The following MIB1 variants were observed in gnomAD, a reference collection of about 807,000 sequenced individuals.
The protein encoded by MIB1 is MIB E3 ubiquitin protein ligase 1.
Under a neutral mutation model 124.5 loss-of-function variants are expected in MIB1, and 278 were observed. The ratio of observed to expected loss-of-function variants is 2.23; its 90% confidence interval spans 2.02 to 2.47. The LOEUF (loss-of-function observed/expected upper bound fraction) is 2.47. Among genes scored for constraint, MIB1 ranks in the 30% most tolerant of loss-of-function variants. The pLI, the probability that MIB1 is intolerant of heterozygous loss-of-function variation, is 0.00. For synonymous variants in MIB1, 446 were observed against 429.4 expected, an observed-to-expected ratio of 1.04 and a Z score of -0.48; for missense variants, 957 against 1,254.4, an observed-to-expected ratio of 0.76 and a Z score of 3.58.
chr18:21,812,494 A>T (rs1047222167), intron 10 of MIB1: 5 of 152,264 alleles, frequency 3.3e-5, no homozygotes, highest in Non-Finnish European at 7.3e-5. Flanking sequence ...GGCCTGAATT[A>T]GTCTGTGGTA....
intron 1 of MIB1, among the ~76,000 whole-genome samples, chr18:21,707,327 C>T (rs1456008885): frequency 1.3e-5 from 2 of 152,032 alleles, no homozygotes; most frequent in Non-Finnish European, 2.9e-5. Context: ...ACGGACCAGT[C>T]AGCTCTCTGT....
chr18:21,794,442 CCTCTCTCTCTCT>C (rs147293733), intron 7 of MIB1, among the ~76,000 whole-genome samples: 10 of 144,866 alleles, frequency 6.9e-5, no homozygotes, highest in East Asian at 4.1e-4. Context: ...CATTAAATAG[CCTCTCTCTCTCT>C]CTCTCTCTCT....
At chr18:21,733,384 A>G (rs1941676982) in intron 1 of MIB1, among the ~76,000 whole-genome samples, 1 of 152,184 alleles carries the variant, frequency 6.6e-6, no homozygotes, top group Non-Finnish European at 1.5e-5. Flanking sequence ...CCCCTGAAGT[A>G]GGTGGGAGCT....
chr18:21,725,785 GGGAA>G (rs35808714), intron 1 of MIB1, among the ~76,000 whole-genome samples: 44,671 of 150,900 alleles, frequency 0.3, 7,806 homozygotes, highest in African/African-American at 0.47. Flanking sequence ...GAGGGAGAGA[GGGAA>G]GGAAGGAAGG....
intron 10 of MIB1, among the ~76,000 whole-genome samples, chr18:21,809,751 C>T (rs1422668468): frequency 4.6e-5 from 7 of 152,054 alleles, no homozygotes; most frequent in African/African-American, 1.7e-4. Flanking sequence ...AGGGAATTAC[C>T]TCAATGTAAT....
At chr18:21,718,496 G>A (rs951287377) in intron 1 of MIB1, among the ~76,000 whole-genome samples, 1 of 152,176 alleles carries the variant, frequency 6.6e-6, no homozygotes, top group African/African-American at 2.4e-5. Context: ...AGCCACCTTG[G>A]AATGTTCAGC....
At chr18:21,739,905 C>T (rs1242113905), upstream of MIB1, among the ~76,000 whole-genome samples, 1 of 151,154 alleles carries the variant, frequency 6.6e-6, no homozygotes, top group Admixed American at 6.6e-5. Context: ...ACAGTGAGAC[C>T]CTGTCTCAAA....
At chr18:21,763,980 G>T (rs547656118) in intron 1 of MIB1, among the ~76,000 whole-genome samples, 67 of 151,834 alleles carry the variant, frequency 4.4e-4, no homozygotes, top group Non-Finnish European at 8.4e-4. Context: ...GCCCAGACTG[G>T]AGTGCAGTGG....
intron 17 of MIB1, 46 bp downstream of exon 17, chr18:21,849,434 A>G: frequency 8.8e-7 from 1 of 1,142,322 alleles, no homozygotes; most frequent in Non-Finnish European, 1.2e-6. Context: ...TGAAGTTGAG[A>G]CTAGAATTAA....
intron 12 of MIB1, among the ~76,000 whole-genome samples, chr18:21,823,409 A>C (rs901713278): frequency 6.6e-6 from 1 of 151,912 alleles, no homozygotes; most frequent in Non-Finnish European, 1.5e-5. Context: ...TCTAAAAAAA[A>C]AAAAAAAGAA....
rs779656727 is a variant in MIB1 at position 21,864,633 on chromosome 18, C to T, written c.2988C>T (p.Arg996=). 6.2e-7 allele frequency: 1 copy of T among 1,613,718 alleles called. No individual in the cohort carries two copies. Among genetic ancestry groups the T allele is most frequent in the Admixed American group, 1.7e-5 (1 of 60,016 alleles). Residue 996 remains arginine (R), a synonymous_variant, in exon 21 of 21, where the codon CGC becomes CGT. Transcript: ENST00000261537. ...GDRMSECPIC[R]KAIERRILLY is the part of the protein sequence containing the mutation. ...GCATGAGTGAATGTCCTATCTGTCG[C>T]AAGGCTATTGAACGAAGGATTCTTT...
At chr18:21,707,368 G>C (rs2040643473) in intron 1 of MIB1, among the ~76,000 whole-genome samples, 1 of 152,160 alleles carries the variant, frequency 6.6e-6, no homozygotes, top group Admixed American at 6.5e-5. Flanking sequence ...CTGTAAAATG[G>C]GCCAATCAGC....
chr18:21,832,661 C>G (rs934194421), intron 12 of MIB1, among the ~76,000 whole-genome samples: 4 of 152,090 alleles, frequency 2.6e-5, no homozygotes, highest in Non-Finnish European at 5.9e-5. Flanking sequence ...GAAGTTTGTC[C>G]TTCACATTCT....
chr18:21,840,641 ATATATATATATATATATATATATATTTT>A (rs1407150602), intron 13 of MIB1, among the ~76,000 whole-genome samples: 1 of 6,044 alleles, frequency 1.7e-4, no homozygotes, highest in Non-Finnish European at 3.2e-4. Flanking sequence ...ATATATATAT[ATATATATATATATATATATATATATTTT>A]TTTTTTTTTT....
intron 12 of MIB1, chr18:21,828,888 G>A (rs981984509): frequency 6.1e-6 from 2 of 326,104 alleles, no homozygotes; most frequent in South Asian, 2.6e-5. Context: ...TTTGGTGTTA[G>A]TATTGCCAAA....
intron 10 of MIB1, among the ~76,000 whole-genome samples, chr18:21,815,043 ATATATAT>A: frequency 8.0e-6 from 1 of 125,754 alleles, no homozygotes; most frequent in African/African-American, 3.5e-5. Flanking sequence ...ATATATATAT[ATATATAT>A]ATATATAAAA....
intron 1 of MIB1, chr18:21,712,116 A>C (rs1216471618): frequency 3.5e-5 from 6 of 172,668 alleles, no homozygotes; most frequent in Admixed American, 3.2e-4. Context: ...TTATACAGGA[A>C]GTTGTTTATT....
chr18:21,815,371 T>A (rs2146474412), intron 10 of MIB1, among the ~76,000 whole-genome samples: 1 of 152,028 alleles, frequency 6.6e-6, no homozygotes, highest in Admixed American at 6.5e-5. Context: ...TTGCCCAGAT[T>A]GGTATTGTTG....
intron 12 of MIB1, chr18:21,828,054 T>A (rs931231455): frequency 1.3e-5 from 2 of 151,974 alleles, no homozygotes; most frequent in Admixed American, 1.3e-4. Context: ...ATAAATAATA[T>A]ACAAACTGTG....
Sources: gnomAD v4.1 joint callset for allele counts (sites outside exome capture counted in the v4.1 genomes callset) on GRCh38, gnomAD v4.1.1 for gene constraint, MANE v1.5 for transcripts, NCBI Gene and HGNC (gene_info 2026-07-23, HGNC 2026-07-21) for gene names.